Variants in RASAL2 observed in about 807,000 individuals in gnomAD.
RASAL2 encodes the protein ras GTPase-activating protein nGAP.
Under a neutral mutation model 128.9 loss-of-function variants are expected in RASAL2, and 58 were observed. That is an observed-to-expected ratio of 0.45 (90% confidence interval 0.36 to 0.56). The LOEUF is 0.56. Among genes scored for constraint, RASAL2 ranks in the 20% least tolerant of loss-of-function variants. RASAL2 has a pLI of 0.00. For missense variants in RASAL2, 1,360 were observed against 1,601.6 expected, an observed-to-expected ratio of 0.85 and a Z score of 2.57; for synonymous variants, 561 against 580.8, an observed-to-expected ratio of 0.97 and a Z score of 0.49.
At chr1:178,295,758 G>A (rs971806051) in intron 2 of RASAL2, among the ~76,000 whole-genome samples, 10 of 152,102 alleles carry the variant, frequency 6.6e-5, no homozygotes, top group South Asian at 2.1e-4. Context: ...TACCTAGACC[G>A]CTTGTTTTGA....
chr1:178,416,246 G>A (rs2102728319), intron 4 of RASAL2, among the ~76,000 whole-genome samples: 1 of 151,928 alleles, frequency 6.6e-6, no homozygotes, highest in African/African-American at 2.4e-5. Flanking sequence ...AAAATTTAGT[G>A]GTTTCCCTAG....
intron 3 of RASAL2, among the ~76,000 whole-genome samples, chr1:178,303,814 C>G (rs988445046): frequency 2.6e-5 from 4 of 151,890 alleles, no homozygotes; most frequent in African/African-American, 7.3e-5. Flanking sequence ...GATATTTTAA[C>G]GAAGAGTTCA....
Position 178,193,438 on chromosome 1 carries a change from TA to T in RASAL2, c.203-90125del, listed in dbSNP as rs1336159941. 2.6e-5 allele frequency among the ~76,000 whole-genome samples: 4 copies of T among 152,338 alleles called. No individual in the cohort carries two copies. In the East Asian group the frequency reaches 7.7e-4, roughly 29 times the overall value. ...TTTTGTTCATAATATAATGAATTTT[TA>T]TATTGAAAATAATAAAAATTAAATC... On this transcript the variant is annotated intron_variant, in intron 1 of 17. Transcript: ENST00000367649.
At chr1:178,321,365 C>T (rs1402964285) in intron 3 of RASAL2, among the ~76,000 whole-genome samples, 1 of 152,082 alleles carries the variant, frequency 6.6e-6, no homozygotes, top group African/African-American at 2.4e-5. Flanking sequence ...CAATTACAGG[C>T]GTGAGCCACC....
intron 7 of RASAL2, among the ~76,000 whole-genome samples, chr1:178,442,236 TG>T (rs1676705287): frequency 6.6e-6 from 1 of 152,168 alleles, no homozygotes; most frequent in Non-Finnish European, 1.5e-5. Context: ...GCAGTCTTAC[TG>T]CAGATATTAT....
chr1:178,183,796 T>C (rs1172288346), intron 1 of RASAL2, among the ~76,000 whole-genome samples: 1 of 152,242 alleles, frequency 6.6e-6, no homozygotes, highest in African/African-American at 2.4e-5. Flanking sequence ...TGTGTGGACA[T>C]AAGTTTTCAG....
intron 9 of RASAL2, among the ~76,000 whole-genome samples, chr1:178,448,765 A>G (rs529613696): frequency 7.7e-4 from 117 of 152,266 alleles, no homozygotes; most frequent in Non-Finnish European, 1.2e-3. Context: ...TTTGAAATTC[A>G]GTGTGCTAAA....
Position 178,261,162 on chromosome 1 carries a change from T to C in RASAL2, c.203-22402T>C, listed in dbSNP as rs375339892. On this transcript the variant is annotated intron_variant, in intron 1 of 17. Coordinates refer to ENST00000367649, the MANE Select transcript of RASAL2 (RefSeq NM_170692.4). ...CCCTTTTTTCCTTGCCAGTTTCCAA[T>C]CTGTATTTTGAGAAATACTTGATTA... 3.6e-3 allele frequency among the ~76,000 whole-genome samples: 543 copies of C among 152,338 alleles called. 2 individuals are homozygous for C. The highest frequency in any genetic ancestry group is 8.7e-3 in the South Asian group (42 of 4,832).
intron 1 of RASAL2, among the ~76,000 whole-genome samples, chr1:178,278,850 A>G (rs1036851043): frequency 2.0e-5 from 3 of 152,154 alleles, no homozygotes; most frequent in Non-Finnish European, 2.9e-5. Context: ...TTCCAGCTCT[A>G]TCATATCATT....
At chr1:178,268,399 C>A (rs1666086940) in intron 1 of RASAL2, among the ~76,000 whole-genome samples, 1 of 151,824 alleles carries the variant, frequency 6.6e-6, no homozygotes, top group African/African-American at 2.4e-5. Flanking sequence ...ACCCGGGAGG[C>A]AGAGGTTGCA....
At chr1:178,111,573 A>G (rs1558059018) in intron 1 of RASAL2, among the ~76,000 whole-genome samples, 1 of 152,080 alleles carries the variant, frequency 6.6e-6, no homozygotes, top group Non-Finnish European at 1.5e-5. Context: ...TTCCATTTCC[A>G]CATCCTCATC....
chr1:178,453,546 T>G (rs1355837009), intron 11 of RASAL2, among the ~76,000 whole-genome samples: 1 of 152,126 alleles, frequency 6.6e-6, no homozygotes, highest in Non-Finnish European at 1.5e-5. Flanking sequence ...AAAAGAAAAT[T>G]AGGAGAAAAC....
chr1:178,171,961 A>G (rs1371122806), intron 1 of RASAL2, among the ~76,000 whole-genome samples: 2 of 151,966 alleles, frequency 1.3e-5, no homozygotes, highest in Non-Finnish European at 2.9e-5. Flanking sequence ...TCTATTTCAT[A>G]TGTTGCCTTA....
At chr1:178,132,211 A>G (rs1473635476) in intron 1 of RASAL2, among the ~76,000 whole-genome samples, 1 of 150,008 alleles carries the variant, frequency 6.7e-6, no homozygotes, top group Non-Finnish European at 1.5e-5. Flanking sequence ...TGGCTAATTT[A>G]AAAAATTTTA....
chr1:178,251,848 G>A (rs944858265), intron 1 of RASAL2, among the ~76,000 whole-genome samples: 1 of 152,094 alleles, frequency 6.6e-6, no homozygotes, highest in Non-Finnish European at 1.5e-5. Context: ...TGTAAAGATG[G>A]TTGCAAATAT....
intron 1 of RASAL2, among the ~76,000 whole-genome samples, chr1:178,221,129 A>C (rs1432340320): frequency 7.9e-5 from 12 of 152,184 alleles, no homozygotes; most frequent in Admixed American, 7.9e-4. Flanking sequence ...ATAGGTTTGT[A>C]ATGATATGTC....
At chr1:178,219,595 A>G (rs938284161) in intron 1 of RASAL2, among the ~76,000 whole-genome samples, 2 of 150,928 alleles carry the variant, frequency 1.3e-5, no homozygotes, top group African/African-American at 4.9e-5. Context: ...GCGCCATAGC[A>G]CTCTAGCCTA....
rs1676792513 is a variant in RASAL2, at chr1:178,443,211, A to G, written c.1464A>G (p.Gln488=). The change falls in exon 8 of 18, where the codon CAA becomes CAG. Residue 488 remains glutamine (Q), a synonymous_variant. Transcript: ENST00000367649. The stretch of plus-strand genomic sequence containing the variant: ...CTTGTGCCTTAGTGCACATTCTTCA[A>G]AGTACTGGCAGAGCCAAGGTAAGTG... The part of the protein sequence containing the change: ...ELACALVHIL[Q]STGRAKDFLT... 6.2e-7 allele frequency: 1 copy of G among 1,608,096 alleles called. No homozygotes were observed. The highest frequency in any genetic ancestry group is 8.5e-7 in the Non-Finnish European group (1 of 1,175,174).
chr1:178,253,935 T>A (rs1328027624), intron 1 of RASAL2, among the ~76,000 whole-genome samples: 1 of 152,224 alleles, frequency 6.6e-6, no homozygotes, highest in Non-Finnish European at 1.5e-5. Flanking sequence ...GCCAGAATGA[T>A]CTTTCAAAGA....
Sources: gnomAD v4.1 joint callset for allele counts (sites outside exome capture counted in the v4.1 genomes callset) on GRCh38, gnomAD v4.1.1 for gene constraint, MANE v1.5 for transcripts, NCBI Gene and HGNC (gene_info 2026-07-23, HGNC 2026-07-21) for gene names.